ECD: variants seen among roughly 807,000 people sequenced by gnomAD.
ECD encodes ecdysoneless cell cycle regulator.
Under a neutral mutation model 77.2 loss-of-function variants are expected in ECD, and 59 were observed. The observed-to-expected ratio is 0.76, with a 90% CI of 0.62 to 0.95. The LOEUF (loss-of-function observed/expected upper bound fraction) is 0.95. Ranked by LOEUF, ECD falls within the 40% of genes least tolerant of loss-of-function variation. The pLI is 0.00. For missense variants in ECD, 704 were observed against 763.4 expected, an observed-to-expected ratio of 0.92 and a Z score of 0.92; for synonymous variants, 233 against 267.4, an observed-to-expected ratio of 0.87 and a Z score of 1.26.
intron 9 of ECD, among the ~76,000 whole-genome samples, 172 bp from the exon 10 acceptor site, chr10:73,139,909 C>G (rs1564660183): frequency 6.7e-6 from 1 of 148,242 alleles, no homozygotes; most frequent in South Asian, 2.1e-4. Context: ...GACTCGAACT[C>G]CTGGGTTCAA....
At chr10:73,139,852 T>TTG in intron 9 of ECD, 115 bp from the exon 10 acceptor site, 22 of 548,104 alleles carry the variant, frequency 4.0e-5, no homozygotes, top group Middle Eastern at 5.1e-4. Context: ...GGGGAGTGTT[T>TTG]TTTTTTTTTT....
At chr10:73,136,196 A>C (rs972344966) in intron 13 of ECD, among the ~76,000 whole-genome samples, 4 of 152,346 alleles carry the variant, frequency 2.6e-5, no homozygotes, top group Middle Eastern at 3.4e-3. Flanking sequence ...ACATAAACGG[A>C]AGGTGAATCC....
chr10:73,146,333 C>T lies in ECD; in HGVS notation c.1070G>A (p.Arg357Gln), dbSNP rs147908494. The T allele has an allele frequency of 1.4e-4, 228 of 1,609,924 alleles. 1 individual carries two copies. The African/African-American group carries it at 2.3e-3, about 16-fold the overall frequency. Residue 357 changes from arginine (R) to glutamine (Q), a missense_variant, in exon 9 of 14, where the codon CGG (arginine) becomes CAG (glutamine). This residue lies in a region of ECD where 559 missense variants were observed against 583.7 expected (regional missense o/e 0.96). Coordinates refer to ENST00000372979, the MANE Select transcript of ECD (RefSeq NM_007265.3). Reference protein sequence around the residue: ...KGLIEGSAQYRERLEMAENYF... With the variant: ...KGLIEGSAQYQERLEMAENYF... ...ATTCTCTGCCATTTCTAGCCTTTCC[C>T]GGTACTGAGCAGAACCTTCTATCAG...
chr10:73,163,140 T>A (rs1314977780), intron 2 of ECD, among the ~76,000 whole-genome samples: 1 of 152,210 alleles, frequency 6.6e-6, no homozygotes, highest in Non-Finnish European at 1.5e-5. Flanking sequence ...CCTCCTAGTT[T>A]AATCCTGGGT....
rs377268652 is a variant in ECD, at chr10:73,136,764, C to G, written c.1644G>C (p.Gln548His). 1.4e-4 allele frequency: 231 copies of G among 1,613,950 alleles called. No homozygotes were observed. The highest frequency in any genetic ancestry group is 1.9e-4 in the Non-Finnish European group (227 of 1,180,014). Residue 548 changes from glutamine to histidine, a missense_variant, in exon 13 of 14, where the codon CAG (glutamine) becomes CAC (histidine). Transcript: ENST00000372979. ...AGGTGTGTGCTAGTTCCTGGTCCAT[C>G]TGGGCCATGTATGACTTGAGATTAT... is the stretch of plus-strand genomic sequence containing the variant. ...TLDNLKSYMA[Q>H]MDQELAHTCI...
chr10:73,166,448 G>GT (rs1843465398), intron 1 of ECD, among the ~76,000 whole-genome samples: 1 of 152,088 alleles, frequency 6.6e-6, no homozygotes, highest in Non-Finnish European at 1.5e-5. Context: ...CACCAACAGT[G>GT]TTTTATCCAA....
chr10:73,152,236 C>A, intron 7 of ECD, 57 bp downstream of exon 7: 3 of 1,579,848 alleles, frequency 1.9e-6, no homozygotes, highest in Non-Finnish European at 2.6e-6. Context: ...TGCCACTATT[C>A]TATTAAGAGT....
chr10:73,139,786 T>C (rs374876079), intron 9 of ECD, 49 bp from the exon 10 acceptor site: 4 of 1,283,798 alleles, frequency 3.1e-6, no homozygotes, highest in Non-Finnish European at 4.4e-6. Flanking sequence ...GAACATAGAA[T>C]AGTAATCATA....
rs1415482199 is a variant in ECD at position 73,134,639 on chromosome 10, C to T, written c.1879G>A (p.Val627Met). 1.9e-6 allele frequency: 3 copies of T among 1,614,178 alleles called. No individual in the cohort carries two copies. The South Asian group carries it at 3.3e-5, about 18-fold the overall frequency. Residue 627 changes from valine (V) to methionine (M), a missense_variant, in exon 14 of 14, where the codon GTG becomes ATG. Around this residue, in one of 3 missense-constraint regions of ECD, gnomAD observed 142 missense variants for 163.6 expected, o/e 0.87. Transcript: ENST00000372979. ...PASNLLQSMG[V>M]QLPDNTDHRP... ...TGATCGGTGTTGTCAGGCAGCTGCACTCCCATGCTTTGTAAAAGATTGGAA... is the reference window on the plus strand; with the variant it reads ...TGATCGGTGTTGTCAGGCAGCTGCATTCCCATGCTTTGTAAAAGATTGGAA...
intron 2 of ECD, among the ~76,000 whole-genome samples, chr10:73,160,906 T>C (rs1843367459): frequency 6.6e-6 from 1 of 152,160 alleles, no homozygotes; most frequent in Non-Finnish European, 1.5e-5. Flanking sequence ...GTATAGAGTA[T>C]GTATGTATAG....
At position 73,136,703 on chromosome 10, in the gene ECD, C is replaced by A; in HGVS notation, c.1704+1G>T. The stretch of plus-strand genomic sequence containing the variant: ...GAGAAAGAGGTTAAAAACACACATA[C>A]CACTTGGTTCCTAGTGGTGAAACTT... On this transcript the variant is annotated splice_donor_variant, in intron 13 of 13. Coordinates refer to ENST00000372979, the MANE Select transcript of ECD (RefSeq NM_007265.3). LOFTEE classifies it high-confidence loss of function. 1 of 1,613,264 alleles carries A rather than the reference C, an allele frequency of 6.2e-7. No individual in the cohort carries two copies. Among genetic ancestry groups the A allele is most frequent in the South Asian group, 1.1e-5 (1 of 91,016 alleles).
chr10:73,145,722 G>A (rs1242831713), intron 9 of ECD, among the ~76,000 whole-genome samples: 1 of 146,048 alleles, frequency 6.8e-6, no homozygotes, highest in East Asian at 2.1e-4. Flanking sequence ...TCAGCTCACG[G>A]CAACCTCCGC....
chr10:73,148,556 G>T, intron 7 of ECD, 152 bp from the exon 8 acceptor site: 1 of 795,440 alleles, frequency 1.3e-6, no homozygotes. Context: ...TGAATTTTAT[G>T]AAAAATATAA....
chr10:73,146,849 T>C (rs1843136650), intron 8 of ECD, among the ~76,000 whole-genome samples: 1 of 152,118 alleles, frequency 6.6e-6, no homozygotes, highest in African/African-American at 2.4e-5. Flanking sequence ...GTTTGCCAAG[T>C]AGAATAAAAA....
At chr10:73,160,283 CA>C (rs11338418) in intron 3 of ECD, 150 bp downstream of exon 3, 74,023 of 291,498 alleles carry the variant, frequency 0.25, 5,476 homozygotes, top group African/African-American at 0.43. Flanking sequence ...AAGACTGTCT[CA>C]AAAAAAAAAA....
At chr10:73,147,383 A>C (rs1395596754) in intron 8 of ECD, among the ~76,000 whole-genome samples, 1 of 152,194 alleles carries the variant, frequency 6.6e-6, no homozygotes, top group Non-Finnish European at 1.5e-5. Context: ...CCCCATTTCT[A>C]CTAAAAATAC....
At chr10:73,160,391 C>A in intron 3 of ECD, 43 bp downstream of exon 3, 1 of 1,313,074 alleles carries the variant, frequency 7.6e-7, no homozygotes, top group Non-Finnish European at 1.0e-6. Context: ...CACTTTGTTT[C>A]AGTAATAGAA....
At chr10:73,142,614 CAGAG>C (rs1432578773) in intron 9 of ECD, among the ~76,000 whole-genome samples, 1 of 122,250 alleles carries the variant, frequency 8.2e-6, no homozygotes, top group African/African-American at 3.1e-5. Flanking sequence ...AGCCTGGTGA[CAGAG>C]AGAGACTCCA....
At chr10:73,156,944 T>C (rs1417840948) in intron 3 of ECD, among the ~76,000 whole-genome samples, 1 of 151,604 alleles carries the variant, frequency 6.6e-6, no homozygotes, top group East Asian at 1.9e-4. Context: ...ACTATAGGGT[T>C]CCAAAAGAAA....
Sources: gnomAD v4.1 joint callset for allele counts (sites outside exome capture counted in the v4.1 genomes callset) on GRCh38, gnomAD v4.1.1 for gene constraint, gnomAD v4.1.1 regional missense constraint, MANE v1.5 for transcripts, NCBI Gene and HGNC (gene_info 2026-07-23, HGNC 2026-07-21) for gene names.